N4BP2: variants seen among roughly 807,000 people sequenced by gnomAD.
The protein encoded by N4BP2 is NEDD4 binding protein 2, also known as NEDD4-binding protein 2.
A neutral mutation model predicts 152.8 loss-of-function variants in N4BP2; 91 were observed. That is an observed-to-expected ratio of 0.60 (90% CI 0.50 to 0.71). N4BP2 has a LOEUF of 0.71. N4BP2 is among the 30% of genes least tolerant of loss of function. N4BP2 has a pLI of 0.00. For synonymous variants in N4BP2, 646 were observed against 705.3 expected, an observed-to-expected ratio of 0.92 and a Z score of 1.33; for missense variants, 1,923 against 2,059.1, an observed-to-expected ratio of 0.93 and a Z score of 1.28.
At chr4:40,096,200 A>C (rs1474732699) in intron 2 of N4BP2, among the ~76,000 whole-genome samples, 2 of 152,186 alleles carry the variant, frequency 1.3e-5, no homozygotes, top group Non-Finnish European at 2.9e-5. Flanking sequence ...TGGTAAATAC[A>C]ATACGTATGT....
At chr4:40,188,039 A>AAAC in the N4BP2 span, among the ~76,000 whole-genome samples, 4 of 152,372 alleles carry the variant, frequency 2.6e-5, no homozygotes, top group Non-Finnish European at 5.9e-5. Flanking sequence ...GAGGGAGGAA[A>AAAC]AACAACAACA....
intron 14 of N4BP2, among the ~76,000 whole-genome samples, chr4:40,138,157 G>A (rs760124947): frequency 5.9e-5 from 9 of 152,198 alleles, no homozygotes; most frequent in Non-Finnish European, 1.2e-4. Flanking sequence ...GTGTCTTATT[G>A]TGGTTTTGAT....
chr4:40,079,875 G>T (rs1713179211), intron 2 of N4BP2, among the ~76,000 whole-genome samples: 1 of 152,048 alleles, frequency 6.6e-6, no homozygotes, highest in South Asian at 2.1e-4. Context: ...TAATCAGTGA[G>T]CAAGTATTGA....
At chr4:40,158,296 G>T (rs1333324159), downstream of N4BP2, 3 of 152,100 alleles carry the variant, frequency 2.0e-5, no homozygotes, top group Non-Finnish European at 1.5e-5. Flanking sequence ...TAGAGTTAGT[G>T]GGTTAAATAT....
chr4:40,170,771 A>G, the N4BP2 span, among the ~76,000 whole-genome samples: 1 of 152,338 alleles, frequency 6.6e-6, no homozygotes, highest in East Asian at 1.9e-4. Context: ...TTTCCTGTTC[A>G]ATAGCTCTAT....
chr4:40,080,483 C>T (rs1057403356), intron 2 of N4BP2, among the ~76,000 whole-genome samples: 3 of 151,388 alleles, frequency 2.0e-5, no homozygotes, highest in Admixed American at 6.6e-5. Flanking sequence ...ACTACAGGTA[C>T]GTGCCACCAC....
chr4:40,142,453 G>A (rs794002), intron 14 of N4BP2: 369,684 of 475,082 alleles, frequency 0.78, 145,833 homozygotes, highest in East Asian at 0.96. Flanking sequence ...AACATCTCCC[G>A]AGAGTGGTTA....
intron 14 of N4BP2, among the ~76,000 whole-genome samples, chr4:40,138,008 G>A (rs201518664): frequency 6.6e-6 from 1 of 152,178 alleles, no homozygotes; most frequent in Non-Finnish European, 1.5e-5. Context: ...TTATCTCTAG[G>A]AATTAGCTAA....
the N4BP2 span, among the ~76,000 whole-genome samples, chr4:40,186,912 CT>C: frequency 6.6e-6 from 1 of 152,260 alleles, no homozygotes; most frequent in Non-Finnish European, 1.5e-5. Context: ...GTTGTTGTCA[CT>C]GTTGTTTTTT....
the N4BP2 span, among the ~76,000 whole-genome samples, chr4:40,168,493 CAA>C: frequency 1.3e-5 from 2 of 151,886 alleles, no homozygotes; most frequent in Non-Finnish European, 2.9e-5. Flanking sequence ...CTATAAAAGA[CAA>C]TATTTGAAGA....
At chr4:40,063,470 A>G (rs1226784749) in intron 1 of N4BP2, among the ~76,000 whole-genome samples, 2 of 152,164 alleles carry the variant, frequency 1.3e-5, no homozygotes, top group Non-Finnish European at 2.9e-5. Flanking sequence ...ATGAAGTACT[A>G]TGCTTAGTTC....
intron 2 of N4BP2, among the ~76,000 whole-genome samples, chr4:40,096,483 A>C (rs1275698959): frequency 6.6e-6 from 1 of 152,172 alleles, no homozygotes; most frequent in East Asian, 1.9e-4. Flanking sequence ...ACCAGTGTCC[A>C]GGTTATGGGC....
intron 4 of N4BP2, 76 bp downstream of exon 4, chr4:40,103,294 A>G: frequency 7.6e-7 from 1 of 1,307,648 alleles, no homozygotes; most frequent in Non-Finnish European, 1.1e-6. Flanking sequence ...AATAGGCAAA[A>G]TGCTTTGCTT....
the N4BP2 span, among the ~76,000 whole-genome samples, chr4:40,166,375 C>T: frequency 4.1e-4 from 63 of 152,012 alleles, no homozygotes; most frequent in Admixed American, 1.3e-3. Context: ...ATATATATTA[C>T]TATTAGAAAG....
Position 40,122,107 on chromosome 4 carries a change from T to C in N4BP2, c.3996T>C (p.Asn1332=), listed in dbSNP as rs893715139. The C allele has an allele frequency of 1.1e-5, 18 of 1,585,942 alleles. No homozygotes were observed. The highest frequency in any genetic ancestry group is 1.5e-5 in the Non-Finnish European group (18 of 1,163,412). The part of the protein sequence containing the change: ...VKFSDEEEFM[N]EDEKEMKEIL... ...TTTCAGATGAAGAAGAATTTATGAA[T>C]GAAGATGAGAAGGAAATGAAGGAAA... is the stretch of plus-strand genomic sequence containing the variant. Residue 1332 remains asparagine, a synonymous_variant, in exon 9 of 18, where the codon AAT becomes AAC. Transcript: ENST00000261435.
At chr4:40,151,620 A>C (rs1021190249) in intron 16 of N4BP2, among the ~76,000 whole-genome samples, 6 of 152,210 alleles carry the variant, frequency 3.9e-5, no homozygotes, top group African/African-American at 1.4e-4. Context: ...AACAGTGCCC[A>C]AAATTATAGG....
chr4:40,106,814 ATTTAT>A (rs1716345493), intron 4 of N4BP2, 81 bp from the exon 5 acceptor site: 1 of 1,318,116 alleles, frequency 7.6e-7, no homozygotes, highest in Non-Finnish European at 1.1e-6. Context: ...TACTTGAATA[ATTTAT>A]TTTGTTTATG....
chr4:40,107,773 G>C (rs1716463326), intron 5 of N4BP2, among the ~76,000 whole-genome samples: 1 of 152,066 alleles, frequency 6.6e-6, no homozygotes, highest in Non-Finnish European at 1.5e-5. Context: ...TCATAGGGTG[G>C]TTATAAGGAT....
chr4:40,133,672 T>G (rs1222917300), intron 13 of N4BP2, among the ~76,000 whole-genome samples: 1 of 152,236 alleles, frequency 6.6e-6, no homozygotes, highest in Non-Finnish European at 1.5e-5. Flanking sequence ...GTGAATTTTA[T>G]GTTTAGACTT....
Sources: allele counts gnomAD v4.1 joint callset (sites outside exome capture counted in the v4.1 genomes callset), GRCh38; gene constraint gnomAD v4.1.1; transcripts MANE v1.5; gene names NCBI Gene and HGNC (gene_info 2026-07-23, HGNC 2026-07-21).